CYBC1: variants seen among roughly 807,000 people sequenced by gnomAD.
The protein encoded by CYBC1 is cytochrome b-245 chaperone 1, also known as essential for reactive oxygen species protein.
Under a neutral mutation model 21.7 loss-of-function variants are expected in CYBC1, and 22 were observed. The observed-to-expected ratio is 1.02, with a 90% CI of 0.73 to 1.45. The LOEUF (loss-of-function observed/expected upper bound fraction) is 1.45, where lower values mean the gene tolerates loss of function less well. CYBC1 is among the 40% of genes most tolerant of loss of function. The pLI, the probability that CYBC1 is intolerant of heterozygous loss-of-function variation, is 0.00. For synonymous variants in CYBC1, 112 were observed against 98.7 expected (o/e 1.13, Z -0.80); for missense variants, 237 against 242.1 (o/e 0.98, Z 0.14).
chr17:82,446,090 C>T, intron 4 of CYBC1, 130 bp from the exon 5 acceptor site: 1 of 690,814 alleles, frequency 1.4e-6, no homozygotes, highest in Admixed American at 2.7e-5. Flanking sequence ...CCAGTCAGAA[C>T]CCAAACCCCT....
In CYBC1 at chr17:82,443,508, G is replaced by C. The variant is rs1373145653; in HGVS notation, c.*496C>G. On this transcript the variant is annotated 3_prime_UTR_variant, in exon 7 of 7. Coordinates refer to ENST00000306645, the MANE Select transcript of CYBC1 (RefSeq NM_001033046.4). This position sits in a 1 kb window ranked among gnomAD's most constrained non-coding sequence, Gnocchi z 6.7. ...GGATGTCCACCAGGGAGAGGACGCT[G>C]TGTCGGGGACAACATGCAGCATCAG... 1.4e-6 allele frequency: 1 copy of C among 698,886 alleles called. No individual in the cohort carries two copies. The highest frequency in any genetic ancestry group is 2.4e-4 in the Middle Eastern group (1 of 4,178). 43.3% of individuals were successfully genotyped at this position (698,886 alleles called of 1,614,324 possible). A position where few individuals can be genotyped will look rare whatever the true frequency, so the allele number is the denominator to read the frequency against.
Position 82,442,597 on chromosome 17 carries a change from C to T in CYBC1, c.*1407G>A, listed in dbSNP as rs1567901963. 1 of 1,562,256 alleles carries T rather than the reference C, an allele frequency of 6.4e-7. No individual in the cohort carries two copies. On this transcript the variant is annotated 3_prime_UTR_variant, in exon 7 of 7. Coordinates refer to ENST00000306645, the MANE Select transcript of CYBC1 (RefSeq NM_001033046.4). This position sits in a 1 kb window ranked among gnomAD's most constrained non-coding sequence, Gnocchi z 6.8. ...ACAGGGAGACCCGCTTTGTGATCTGCATGTGTGACACTGATTCTTTGGAAA... is the reference window on the plus strand; with the variant it reads ...ACAGGGAGACCCGCTTTGTGATCTGTATGTGTGACACTGATTCTTTGGAAA...
chr17:82,447,469 C>G (rs1007496313), intron 3 of CYBC1, 111 bp downstream of exon 3: 3 of 942,176 alleles, frequency 3.2e-6, no homozygotes, highest in African/African-American at 1.6e-5. Flanking sequence ...GCAGAGGTGC[C>G]GATCCTAAAG....
At chr17:82,448,872 C>T in intron 2 of CYBC1, 1 of 354,242 alleles carries the variant, frequency 2.8e-6, no homozygotes, top group South Asian at 3.2e-5. Flanking sequence ...ACATGGGAAC[C>T]CACGATCACC....
chr17:82,447,409 C>A, intron 3 of CYBC1, 171 bp downstream of exon 3: 1 of 654,502 alleles, frequency 1.5e-6, no homozygotes, highest in Non-Finnish European at 2.7e-6. Context: ...GATGGGCGTG[C>A]GGAAGAACAG....
intron 4 of CYBC1, 65 bp downstream of exon 4, chr17:82,446,558 C>G (rs755269324): frequency 9.2e-6 from 14 of 1,523,288 alleles, no homozygotes; most frequent in Admixed American, 1.7e-5. Context: ...TCCTTTCATT[C>G]CCATTGCAAA....
rs927598445 is a variant in CYBC1, at chr17:82,443,206, C to T, written c.*798G>A. The stretch of plus-strand genomic sequence containing the variant: ...GATTACTGGCATGAACCACTGCGCC[C>T]GGCTGGAGCTCCCGGTTTTTAAGCA... On this transcript the variant is annotated 3_prime_UTR_variant, in exon 7 of 7. Transcript: ENST00000306645. The surrounding 1 kb of genome is among the most constrained non-coding windows in gnomAD (Gnocchi z 6.7). The T allele has an allele frequency of 2.3e-5, 7 of 306,812 alleles. No individual in the cohort carries two copies. Among genetic ancestry groups the T allele is most frequent in the Middle Eastern group, 2.3e-3 (2 of 852 alleles). 19.0% of individuals were successfully genotyped at this position (306,812 alleles called of 1,614,324 possible).
At chr17:82,447,793 C>A in intron 2 of CYBC1, 172 bp from the exon 3 acceptor site, 1 of 673,976 alleles carries the variant, frequency 1.5e-6, no homozygotes, top group East Asian at 2.7e-5. Context: ...AGCCAGGAAG[C>A]TGGTTCAATA....
intron 2 of CYBC1, chr17:82,448,233 A>G: frequency 5.3e-6 from 1 of 188,990 alleles, no homozygotes; most frequent in Non-Finnish European, 1.1e-5. Flanking sequence ...GTAGCGATGG[A>G]GGACGGGAGG....
At chr17:82,450,661 GGGAA>G (rs2143772910) in intron 1 of CYBC1, 35 bp downstream of exon 1, 1 of 152,452 alleles carries the variant, frequency 6.6e-6, no homozygotes, top group Non-Finnish European at 1.5e-5. Flanking sequence ...GGCACGGAGC[GGGAA>G]GGAAGTGCGG....
chr17:82,449,285 G>T lies in CYBC1; in HGVS notation c.-31C>A. On this transcript the variant is annotated 5_prime_UTR_variant, in exon 2 of 7. Transcript: ENST00000306645. ...GAGGGCAGCACCACTCTCTACAGGA[G>T]GAGGGGTCTGGGAACAGACAGAGGC... 6.7e-7 allele frequency: 1 copy of T among 1,499,524 alleles called. No individual in the cohort carries two copies. The highest frequency in any genetic ancestry group is 8.9e-7 in the Non-Finnish European group (1 of 1,119,048). The allele number at this position is 1,499,524 out of a possible 1,614,324, so 92.9% of individuals were successfully genotyped here.
intron 5 of CYBC1, 177 bp downstream of exon 5, chr17:82,445,686 TG>T (rs910821101): frequency 1.5e-4 from 87 of 561,424 alleles, no homozygotes; most frequent in Middle Eastern, 4.8e-4. Flanking sequence ...GGTGAGCAGG[TG>T]GGGCGTATCC....
At position 82,443,951 on chromosome 17, in the gene CYBC1, G is replaced by A; in HGVS notation, c.*53C>T. 1.2e-6 allele frequency: 2 copies of A among 1,602,616 alleles called. No homozygotes were observed. Among genetic ancestry groups the A allele is most frequent in the Non-Finnish European group, 1.7e-6 (2 of 1,179,434 alleles). On this transcript the variant is annotated 3_prime_UTR_variant, in exon 7 of 7. Transcript: ENST00000306645. This position sits in a 1 kb window ranked among gnomAD's most constrained non-coding sequence, Gnocchi z 6.7. ...CGGTGCACGGGCTCAGGCACACCGG[G>A]AATGTGCCATGGGTCCTGTGGGCGG...
At chr17:82,447,269 C>A in intron 3 of CYBC1, 2 of 423,422 alleles carry the variant, frequency 4.7e-6, no homozygotes, top group Non-Finnish European at 4.3e-6. Context: ...AGGAGAATGG[C>A]GTGAACCCGG....
chr17:82,449,521 C>G (rs1369349908), intron 1 of CYBC1: 1 of 393,606 alleles, frequency 2.5e-6, no homozygotes, highest in African/African-American at 2.1e-5. Flanking sequence ...GCGACACCGA[C>G]TGCGCGGGGG....
intron 2 of CYBC1, chr17:82,447,880 A>AG (rs1182400838): frequency 2.2e-5 from 13 of 585,450 alleles, no homozygotes; most frequent in Non-Finnish European, 3.0e-5. Context: ...AGAGCGCTTG[A>AG]GCTCAGGAGT....
At chr17:82,450,408 GCACACACA>G (rs1270389545) in intron 1 of CYBC1, 1 of 152,192 alleles carries the variant, frequency 6.6e-6, no homozygotes, top group Non-Finnish European at 1.5e-5. Context: ...ACATCCAAAT[GCACACACA>G]CACGCACACT....
rs774002458 is a variant in CYBC1, at chr17:82,450,732, G to A, written c.-71C>T. The A allele has an allele frequency of 1.3e-5, 2 of 152,278 alleles. No individual in the cohort carries two copies. Among genetic ancestry groups the A allele is most frequent in the Non-Finnish European group, 2.9e-5 (2 of 68,072 alleles). 9.4% of individuals were successfully genotyped at this position (152,278 alleles called of 1,614,324 possible). A position where few individuals can be genotyped will look rare whatever the true frequency, so the allele number is the denominator to read the frequency against. On this transcript the variant is annotated 5_prime_UTR_variant, in exon 1 of 7. Coordinates refer to ENST00000306645, the MANE Select transcript of CYBC1 (RefSeq NM_001033046.4). ...ACAGCGGTCCCCGCGCCGCAGCAGA[G>A]AGACGCGAACCGGCGGGGGCGGGGC...
At chr17:82,444,291 C>T (rs1460526910) in intron 6 of CYBC1, 156 bp downstream of exon 6, 12 of 1,421,038 alleles carry the variant, frequency 8.4e-6, no homozygotes, top group African/African-American at 1.4e-5. Context: ...CACAGTGGGG[C>T]TGCCCCTGAG....
Sources: allele counts gnomAD v4.1 joint callset, GRCh38; gene constraint gnomAD v4.1.1; non-coding constraint Gnocchi (gnomAD v3.1); transcripts MANE v1.5; gene names NCBI Gene and HGNC (gene_info 2026-07-23, HGNC 2026-07-21).